Variants in AKAP10 observed in about 807,000 individuals in gnomAD.
AKAP10 encodes A-kinase anchoring protein 10, also known as A-kinase anchor protein 10, mitochondrial.
A neutral mutation model predicts 80.8 loss-of-function variants in AKAP10; 24 were observed. The observed-to-expected ratio is 0.30, with a 90% CI of 0.22 to 0.42. The LOEUF is 0.42. Ranked by LOEUF, AKAP10 falls within the 10% of genes least tolerant of loss-of-function variation. The pLI, the probability that AKAP10 is intolerant of heterozygous loss-of-function variation, is 1.00. For missense variants in AKAP10, 661 were observed against 794.9 expected, an observed-to-expected ratio of 0.83 and a Z score of 2.03; for synonymous variants, 291 against 277.7, an observed-to-expected ratio of 1.05 and a Z score of -0.48.
chr17:19,921,761 G>A (rs2042819992), intron 11 of AKAP10, among the ~76,000 whole-genome samples: 1 of 151,928 alleles, frequency 6.6e-6, no homozygotes, highest in Admixed American at 6.6e-5. Context: ...GTAATACTGG[G>A]TATAAGAGGG....
intron 11 of AKAP10, among the ~76,000 whole-genome samples, chr17:19,924,034 A>G (rs1031902066): frequency 6.6e-6 from 1 of 152,224 alleles, no homozygotes; most frequent in Non-Finnish European, 1.5e-5. Flanking sequence ...ATGAATCACT[A>G]TCTTTTTATT....
intron 5 of AKAP10, 25 bp downstream of exon 5, chr17:19,947,382 T>G (rs764326974): frequency 2.0e-6 from 3 of 1,516,376 alleles, no homozygotes; most frequent in South Asian, 1.2e-5. Context: ...ATTTTTTTTT[T>G]GCCATAGTTT....
intron 4 of AKAP10, among the ~76,000 whole-genome samples, chr17:19,955,055 A>C (rs2043258283): frequency 6.6e-6 from 1 of 151,782 alleles, no homozygotes; most frequent in African/African-American, 2.4e-5. Context: ...CCCCATTTCT[A>C]CTAAAAATAC....
chr17:19,947,535 C>A, intron 4 of AKAP10, 30 bp from the exon 5 acceptor site: 1 of 1,471,936 alleles, frequency 6.8e-7, no homozygotes, highest in South Asian at 1.1e-5. Flanking sequence ...CTTCAAAAAC[C>A]AAAAAGCAAC....
chr17:19,957,423 TC>T (rs768411645), intron 4 of AKAP10, among the ~76,000 whole-genome samples: 118 of 152,100 alleles, frequency 7.8e-4, no homozygotes, highest in Middle Eastern at 3.4e-3. Flanking sequence ...GCGCCTGTAG[TC>T]CCAGCTATTT....
chr17:19,967,550 G>A (rs1316735492), intron 2 of AKAP10, among the ~76,000 whole-genome samples: 2 of 152,184 alleles, frequency 1.3e-5, no homozygotes, highest in African/African-American at 4.8e-5. Flanking sequence ...CTGGTTCACT[G>A]TAATCACTAG....
chr17:19,916,406 G>T (rs1171388356), intron 12 of AKAP10, among the ~76,000 whole-genome samples: 1 of 152,162 alleles, frequency 6.6e-6, no homozygotes, highest in African/African-American at 2.4e-5. Flanking sequence ...TCTATAAAAT[G>T]AATGAATGAA....
intron 9 of AKAP10, 26 bp from the exon 10 acceptor site, chr17:19,932,004 T>C: frequency 6.3e-7 from 1 of 1,587,006 alleles, no homozygotes; most frequent in Non-Finnish European, 8.6e-7. Context: ...AGCATTATTT[T>C]AAAGTTGAAA....
At chr17:19,915,891 A>G (rs2042737628) in intron 12 of AKAP10, among the ~76,000 whole-genome samples, 1 of 152,192 alleles carries the variant, frequency 6.6e-6, no homozygotes, top group Non-Finnish European at 1.5e-5. Flanking sequence ...ACATAAAACA[A>G]AAACAAAACA....
At chr17:19,934,504 C>T (rs1031244576) in intron 9 of AKAP10, among the ~76,000 whole-genome samples, 12 of 152,064 alleles carry the variant, frequency 7.9e-5, no homozygotes, top group South Asian at 4.1e-4. Flanking sequence ...CATGCCACTA[C>T]GCCCAGCTAA....
intron 4 of AKAP10, among the ~76,000 whole-genome samples, chr17:19,952,082 A>G (rs1284802113): frequency 6.6e-6 from 1 of 151,494 alleles, no homozygotes; most frequent in Non-Finnish European, 1.5e-5. Context: ...TGCAACAGTT[A>G]CATTTAATGT....
intron 11 of AKAP10, 78 bp downstream of exon 11, chr17:19,924,330 T>G (rs2042850965): frequency 1.9e-6 from 2 of 1,026,660 alleles, no homozygotes; most frequent in Admixed American, 6.2e-5. Context: ...TAGAAAAAAA[T>G]GTAAAATTTA....
At chr17:19,952,910 C>A (rs1347035017) in intron 4 of AKAP10, among the ~76,000 whole-genome samples, 1 of 152,092 alleles carries the variant, frequency 6.6e-6, no homozygotes, top group African/African-American at 2.4e-5. Context: ...AAACTGAACA[C>A]CATCATTAAC....
chr17:19,923,292 G>A (rs187796022), intron 11 of AKAP10, among the ~76,000 whole-genome samples: 34 of 152,070 alleles, frequency 2.2e-4, no homozygotes, highest in Middle Eastern at 6.8e-3. Context: ...TGCCCAGGCT[G>A]GTCTCGAACT....
chr17:19,970,355 C>T (rs2043479323), intron 1 of AKAP10, among the ~76,000 whole-genome samples: 1 of 152,212 alleles, frequency 6.6e-6, no homozygotes, highest in Admixed American at 6.5e-5. Context: ...AAACATTCTC[C>T]TACTATCAAT....
In AKAP10 at chr17:19,920,658, C is replaced by T. The variant is rs1161037894; in HGVS notation, c.1752-540G>A. Among the ~76,000 whole-genome samples, 4 of 152,050 alleles carry T rather than the reference C, an allele frequency of 2.6e-5. No individual in the cohort carries two copies. The South Asian group carries it at 6.2e-4, about 24-fold the overall frequency. ...AGTAGTTTGAGACCAGCCTGGCCAA[C>T]ATGGTGAAACCCTGTCTCTACTAAA... On this transcript the variant is annotated intron_variant, in intron 11 of 14. Transcript: ENST00000225737.
chr17:19,919,081 C>T (rs2042782413), intron 12 of AKAP10, among the ~76,000 whole-genome samples: 1 of 150,808 alleles, frequency 6.6e-6, no homozygotes, highest in Non-Finnish European at 1.5e-5. Flanking sequence ...CCCCCAGCCC[C>T]CCACCCCACG....
chr17:19,960,754 G>C (rs2043338617), intron 3 of AKAP10, among the ~76,000 whole-genome samples: 1 of 152,164 alleles, frequency 6.6e-6, no homozygotes, highest in South Asian at 2.1e-4. Context: ...AGCCAGGGAT[G>C]ACGGCTCATG....
rs562777938 is a variant in AKAP10, at chr17:19,940,424, T to C, written c.1185+463A>G. 5.2e-4 allele frequency among the ~76,000 whole-genome samples: 79 copies of C among 152,352 alleles called. 1 individual carries two copies. Among genetic ancestry groups the C allele is most frequent in the African/African-American group, 1.8e-3 (76 of 41,580 alleles). ...TGTTGAAGCCTAACAAAGAGCATTATACTAAACTGTATGCCTCAAAAAGAT... is the reference window on the plus strand; with the variant it reads ...TGTTGAAGCCTAACAAAGAGCATTACACTAAACTGTATGCCTCAAAAAGAT... On this transcript the variant is annotated intron_variant, in intron 7 of 14. Transcript: ENST00000225737.
Sources: allele counts gnomAD v4.1 joint callset (sites outside exome capture counted in the v4.1 genomes callset), GRCh38; gene constraint gnomAD v4.1.1; transcripts MANE v1.5; gene names NCBI Gene and HGNC (gene_info 2026-07-23, HGNC 2026-07-21).